The following CCNY variants were observed in gnomAD, a reference collection of about 807,000 sequenced individuals.
The protein encoded by CCNY is cyclin Y.
CCNY carries 19 observed loss-of-function variants against 42.8 expected under a neutral mutation model. That is an observed-to-expected ratio of 0.44 (90% CI 0.31 to 0.65). CCNY has a LOEUF of 0.65. Among genes scored for constraint, CCNY ranks in the 30% least tolerant of loss-of-function variants. The pLI, the probability that CCNY is intolerant of heterozygous loss-of-function variation, is 0.07. For synonymous variants in CCNY, 165 were observed against 162.7 expected, an observed-to-expected ratio of 1.01 and a Z score of -0.11; for missense variants, 370 against 437.3, an observed-to-expected ratio of 0.85 and a Z score of 1.37.
chr10:35,270,717 C>CTTTTTTTTTTTTTTTTTTTT, intron 3 of CCNY, among the ~76,000 whole-genome samples: 1 of 131,672 alleles, frequency 7.6e-6, no homozygotes, highest in Non-Finnish European at 1.6e-5. Context: ...ATGGTCAGTT[C>CTTTTTTTTTTTTTTTTTTTT]TTTTTTTTTT....
chr10:35,344,062 A>G (rs1267042714), intron 1 of CCNY, among the ~76,000 whole-genome samples: 1 of 152,176 alleles, frequency 6.6e-6, no homozygotes, highest in African/African-American at 2.4e-5. Context: ...GTGAGAGTTC[A>G]CTTTCCCTGC....
intron 1 of CCNY, among the ~76,000 whole-genome samples, chr10:35,411,570 T>C (rs1358949136): frequency 6.6e-6 from 1 of 150,382 alleles, no homozygotes; most frequent in Non-Finnish European, 1.5e-5. Context: ...TGGCTGCAGT[T>C]AGTTACAGGA....
chr10:35,526,852 G>A (rs1012609430), intron 5 of CCNY, among the ~76,000 whole-genome samples: 1 of 152,124 alleles, frequency 6.6e-6, no homozygotes, highest in Non-Finnish European at 1.5e-5. Flanking sequence ...CACTCTCATG[G>A]TAATCATATT....
chr10:35,332,959 T>A (rs1429139009), upstream of CCNY, among the ~76,000 whole-genome samples: 3 of 152,162 alleles, frequency 2.0e-5, no homozygotes, highest in Non-Finnish European at 4.4e-5. Context: ...ACAGTGATCA[T>A]GGAGAAAGAT....
chr10:35,328,166 T>C (rs1835900551), intron 3 of CCNY, among the ~76,000 whole-genome samples: 5 of 152,314 alleles, frequency 3.3e-5, no homozygotes, highest in South Asian at 4.2e-4. Flanking sequence ...CTAACGGGCA[T>C]TGAAGGTGTT....
At chr10:35,470,317 A>G (rs1047043809) in intron 1 of CCNY, among the ~76,000 whole-genome samples, 2 of 151,664 alleles carry the variant, frequency 1.3e-5, no homozygotes, top group Non-Finnish European at 2.9e-5. Flanking sequence ...AAACGGGGAG[A>G]TGCAGAGATG....
chr10:35,525,894 T>C, intron 4 of CCNY, 70 bp from the exon 5 acceptor site: 1 of 1,312,966 alleles, frequency 7.6e-7, no homozygotes, highest in Non-Finnish European at 1.1e-6. Context: ...ATGTTCAGAC[T>C]GTGGCCAGGT....
chr10:35,264,152 G>A (rs1026908856), intron 3 of CCNY, among the ~76,000 whole-genome samples: 2 of 152,164 alleles, frequency 1.3e-5, no homozygotes, highest in Non-Finnish European at 2.9e-5. Context: ...TGTGTGGCAC[G>A]TATCTTTATA....
intron 2 of CCNY, among the ~76,000 whole-genome samples, chr10:35,486,575 G>A (rs1839792531): frequency 6.6e-6 from 1 of 152,154 alleles, no homozygotes. Context: ...TAGCTGACAG[G>A]ACTTCCCGTG....
chr10:35,283,799 T>C (rs1385674990), intron 3 of CCNY, among the ~76,000 whole-genome samples: 1 of 152,104 alleles, frequency 6.6e-6, no homozygotes, highest in Non-Finnish European at 1.5e-5. Flanking sequence ...AATAGCTTAA[T>C]TGGGCCGGGC....
chr10:35,321,621 T>C (rs959556581), intron 3 of CCNY, among the ~76,000 whole-genome samples: 2 of 152,026 alleles, frequency 1.3e-5, no homozygotes, highest in East Asian at 1.9e-4. Flanking sequence ...GAGGATGCAA[T>C]GACCTGTGAT....
chr10:35,511,746 G>T (rs767965183), intron 3 of CCNY, among the ~76,000 whole-genome samples: 6 of 152,214 alleles, frequency 3.9e-5, no homozygotes, highest in Non-Finnish European at 4.4e-5. Context: ...AACACTGTGG[G>T]TTCATCTTTG....
intron 3 of CCNY, among the ~76,000 whole-genome samples, chr10:35,515,215 G>T (rs1373497420): frequency 6.6e-6 from 1 of 152,186 alleles, no homozygotes; most frequent in Non-Finnish European, 1.5e-5. Flanking sequence ...GAATTTTCCT[G>T]GTTGTGGTTC....
chr10:35,541,543 G>A (rs1242095851), intron 7 of CCNY, among the ~76,000 whole-genome samples: 1 of 152,118 alleles, frequency 6.6e-6, no homozygotes, highest in Non-Finnish European at 1.5e-5. Context: ...AACTACAGCT[G>A]TGCACCTTCA....
chr10:35,556,165 C>T (rs1841358811), intron 8 of CCNY, among the ~76,000 whole-genome samples: 1 of 152,164 alleles, frequency 6.6e-6, no homozygotes, highest in Non-Finnish European at 1.5e-5. Context: ...TTGATCAGTG[C>T]CCCACATGCC....
intron 4 of CCNY, among the ~76,000 whole-genome samples, chr10:35,517,344 A>G (rs1233580713): frequency 6.6e-6 from 1 of 152,236 alleles, no homozygotes; most frequent in Non-Finnish European, 1.5e-5. Flanking sequence ...CTTGGCAAGT[A>G]CTATAGAGAA....
intron 7 of CCNY, among the ~76,000 whole-genome samples, chr10:35,537,381 C>T (rs892989463): frequency 6.6e-6 from 1 of 152,176 alleles, no homozygotes; most frequent in African/African-American, 2.4e-5. Flanking sequence ...TGGGGCACTG[C>T]CTAGTGGAGC....
At position 35,406,229 on chromosome 10, in the gene CCNY, A is replaced by ATTTT. The variant is rs1314382572; in HGVS notation, c.154+69025_154+69026insTTTT. Among the ~76,000 whole-genome samples, 33 of 106,550 alleles carry ATTTT rather than the reference A, an allele frequency of 3.1e-4. 1 individual carries two copies. Among genetic ancestry groups the ATTTT allele is most frequent in the Admixed American group, 3.0e-3 (32 of 10,546 alleles). 69.9% of individuals were successfully genotyped at this position (106,550 alleles called of 152,430 possible). A position where few individuals can be genotyped will look rare whatever the true frequency, so the allele number is the denominator to read the frequency against. On this transcript the variant is annotated intron_variant, in intron 1 of 9. Coordinates refer to ENST00000374704, the MANE Select transcript of CCNY (RefSeq NM_145012.6). ...TATTTATTTATTTATTTATTTATTT[A>ATTTT]TTTATTTATTTATTTTTTTATTGAT... is the stretch of plus-strand genomic sequence containing the variant.
intron 1 of CCNY, among the ~76,000 whole-genome samples, chr10:35,363,259 C>T (rs760015650): frequency 3.4e-5 from 5 of 148,284 alleles, no homozygotes; most frequent in Non-Finnish European, 6.0e-5. Flanking sequence ...CTCACTTCCC[C>T]GACAGGGCGG....
Sources: allele counts gnomAD v4.1 joint callset (sites outside exome capture counted in the v4.1 genomes callset), GRCh38; gene constraint gnomAD v4.1.1; transcripts MANE v1.5; gene names NCBI Gene and HGNC (gene_info 2026-07-23, HGNC 2026-07-21).